The following SPECC1 variants were observed in gnomAD, a reference collection of about 807,000 sequenced individuals.
The protein encoded by SPECC1 is cytospin-B.
In SPECC1, 62 loss-of-function variants were observed where a neutral mutation model predicts 104.1. That is an observed-to-expected ratio of 0.60 (90% confidence interval 0.49 to 0.74). SPECC1 has a LOEUF of 0.74. SPECC1 is among the 30% of genes least tolerant of loss of function. The pLI, the probability that SPECC1 is intolerant of heterozygous loss-of-function variation, is 0.00. For missense variants in SPECC1, 1,306 were observed against 1,310.5 expected (o/e 1.00, Z 0.05); for synonymous variants, 513 against 501.6 (o/e 1.02, Z -0.30).
intron 1 of SPECC1, chr17:20,087,154 T>C (rs2047210683): frequency 6.6e-6 from 1 of 152,252 alleles, no homozygotes; most frequent in Non-Finnish European, 1.5e-5. Context: ...TTTATTATGT[T>C]TCTGTGAAGA....
intron 1 of SPECC1, among the ~76,000 whole-genome samples, chr17:20,038,848 G>T (rs141748496): frequency 6.6e-6 from 1 of 152,158 alleles, no homozygotes; most frequent in East Asian, 1.9e-4. Flanking sequence ...GGCTTTTCTC[G>T]TTATCCTCCA....
At chr17:20,252,466 T>C (rs1198159462) in intron 9 of SPECC1, among the ~76,000 whole-genome samples, 3 of 152,066 alleles carry the variant, frequency 2.0e-5, no homozygotes, top group African/African-American at 7.2e-5. Flanking sequence ...TTCTGTCCTC[T>C]AGAACTTTGT....
Position 20,298,976 on chromosome 17 carries a change from T to TAGAG in SPECC1, c.3057+1916_3057+1919dup, listed in dbSNP as rs146031063. On this transcript the variant is annotated intron_variant, in intron 13 of 14. Transcript: ENST00000395527. ...GTGTGTGTGTGTGTGTGTGTGTATG[T>TAGAG]AGAGAGAGAGAGAGAGAGAGGTGGG... Among the ~76,000 whole-genome samples the TAGAG allele has an allele frequency of 1.2e-3, 92 of 77,372 alleles. 7 individuals are homozygous for TAGAG. Among genetic ancestry groups the TAGAG allele is most frequent in the Non-Finnish European group, 1.9e-3 (83 of 42,958 alleles). 50.8% of individuals were successfully genotyped at this position (77,372 alleles called of 152,430 possible). A position where few individuals can be genotyped will look rare whatever the true frequency, so the allele number is the denominator to read the frequency against.
intron 1 of SPECC1, among the ~76,000 whole-genome samples, chr17:20,033,409 CT>C (rs1207926089): frequency 4.6e-5 from 7 of 152,092 alleles, no homozygotes; most frequent in East Asian, 1.9e-4. Context: ...TGATTTCCCC[CT>C]GTCTTGGTTC....
intron 1 of SPECC1, among the ~76,000 whole-genome samples, chr17:20,047,969 A>G (rs2045601617): frequency 6.6e-6 from 1 of 151,976 alleles, no homozygotes; most frequent in African/African-American, 2.4e-5. Context: ...TCTTCACGTA[A>G]TGTTCATCAG....
At chr17:20,058,118 G>A (rs2046036819) in intron 1 of SPECC1, among the ~76,000 whole-genome samples, 1 of 152,100 alleles carries the variant, frequency 6.6e-6, no homozygotes. Flanking sequence ...CTACTTGAGT[G>A]AATCACCTGA....
chr17:20,112,889 G>A (rs1403897441), intron 3 of SPECC1: 1 of 1,573,798 alleles, frequency 6.4e-7, no homozygotes, highest in Non-Finnish European at 8.7e-7. Flanking sequence ...TGATCTGTCT[G>A]GGTGTGATCT....
chr17:20,137,897 C>T (rs980862637), intron 3 of SPECC1, among the ~76,000 whole-genome samples: 1 of 151,996 alleles, frequency 6.6e-6, no homozygotes, highest in Non-Finnish European at 1.5e-5. Flanking sequence ...GAACTCCTGA[C>T]CTCAAATAAT....
chr17:20,127,761 G>A (rs2049394385), intron 3 of SPECC1, among the ~76,000 whole-genome samples: 1 of 152,068 alleles, frequency 6.6e-6, no homozygotes, highest in East Asian at 1.9e-4. Context: ...TTACTTTAGT[G>A]CCTGTTGGAA....
chr17:20,301,759 G>A (rs770448086), intron 13 of SPECC1, among the ~76,000 whole-genome samples: 21 of 152,238 alleles, frequency 1.4e-4, no homozygotes, highest in Admixed American at 1.2e-3. Context: ...AGGCTGGAGC[G>A]CAGTGGTACC....
At chr17:20,185,043 G>A (rs554429125) in intron 3 of SPECC1, 24 of 152,358 alleles carry the variant, frequency 1.6e-4, no homozygotes, top group African/African-American at 5.5e-4. Context: ...ATTGTCCACA[G>A]AATTCACACT....
At chr17:20,254,790 A>G (rs2039764433) in intron 10 of SPECC1, among the ~76,000 whole-genome samples, 1 of 150,432 alleles carries the variant, frequency 6.6e-6, no homozygotes, top group Non-Finnish European at 1.5e-5. Flanking sequence ...AAATTTCTAC[A>G]GCTGTACTTC....
intron 3 of SPECC1, among the ~76,000 whole-genome samples, chr17:20,165,991 A>G (rs2033617910): frequency 6.6e-6 from 1 of 152,072 alleles, no homozygotes; most frequent in Admixed American, 6.6e-5. Context: ...TTCTGTAGGT[A>G]GCAGTATCCT....
intron 12 of SPECC1, among the ~76,000 whole-genome samples, chr17:20,280,268 T>A (rs189082181): frequency 2.0e-4 from 30 of 150,870 alleles, no homozygotes; most frequent in African/African-American, 7.2e-4. Context: ...GTGACCGACA[T>A]TGTCTAAGTG....
At chr17:20,083,297 T>C (rs1001186106) in intron 1 of SPECC1, among the ~76,000 whole-genome samples, 2 of 152,162 alleles carry the variant, frequency 1.3e-5, no homozygotes, top group Non-Finnish European at 2.9e-5. Context: ...GCACTTCCAG[T>C]TAGTTGGAGA....
intron 1 of SPECC1, among the ~76,000 whole-genome samples, chr17:20,016,977 A>T (rs2044159233): frequency 6.6e-6 from 1 of 152,216 alleles, no homozygotes; most frequent in Non-Finnish European, 1.5e-5. Context: ...CAGGGATTGT[A>T]AACGCACCAA....
intron 2 of SPECC1, among the ~76,000 whole-genome samples, chr17:20,104,903 A>G (rs765816450): frequency 1.3e-5 from 2 of 151,926 alleles, no homozygotes; most frequent in Admixed American, 6.6e-5. Flanking sequence ...GAGGATTTAG[A>G]TTTTGTTTGT....
chr17:20,183,548 G>A (rs2035054313), intron 3 of SPECC1, among the ~76,000 whole-genome samples: 1 of 152,040 alleles, frequency 6.6e-6, no homozygotes, highest in South Asian at 2.1e-4. Flanking sequence ...ATCTCCTATG[G>A]ATACTAACAT....
intron 2 of SPECC1, among the ~76,000 whole-genome samples, chr17:20,102,866 C>T (rs2048007195): frequency 1.3e-5 from 2 of 152,198 alleles, no homozygotes; most frequent in South Asian, 2.1e-4. Flanking sequence ...CATTTGTTAT[C>T]GTTATAGTTG....
Sources: gnomAD v4.1 joint callset for allele counts (sites outside exome capture counted in the v4.1 genomes callset) on GRCh38, gnomAD v4.1.1 for gene constraint, MANE v1.5 for transcripts, NCBI Gene and HGNC (gene_info 2026-07-23, HGNC 2026-07-21) for gene names.